The following FER variants were observed in gnomAD, a reference collection of about 807,000 sequenced individuals.
The protein encoded by FER is tyrosine-protein kinase Fer.
In FER, 63 loss-of-function variants were observed where a neutral mutation model predicts 111.0. The observed-to-expected ratio is 0.57, with a 90% confidence interval of 0.46 to 0.70. The LOEUF (loss-of-function observed/expected upper bound fraction) is 0.70, where lower values mean the gene tolerates loss of function less well. Among genes scored for constraint, FER ranks in the 30% least tolerant of loss-of-function variants. The pLI is 0.00. For missense variants in FER, 914 were observed against 954.0 expected (o/e 0.96, Z 0.55); for synonymous variants, 327 against 313.9 (o/e 1.04, Z -0.44).
chr5:109,109,287 A>T (rs961216171), intron 17 of FER, among the ~76,000 whole-genome samples: 15 of 152,144 alleles, frequency 9.9e-5, no homozygotes, highest in African/African-American at 3.6e-4. Context: ...ATTTATATAA[A>T]CATACACATG....
chr5:108,994,137 A>G (rs932770213), intron 13 of FER, among the ~76,000 whole-genome samples: 2 of 152,134 alleles, frequency 1.3e-5, no homozygotes, highest in Admixed American at 6.5e-5. Flanking sequence ...ATTAGATCCC[A>G]TATGTCAGTT....
intron 10 of FER, among the ~76,000 whole-genome samples, chr5:108,910,331 A>G (rs936104858): frequency 1.3e-5 from 2 of 152,170 alleles, no homozygotes; most frequent in African/African-American, 4.8e-5. Flanking sequence ...AAAATTTCAC[A>G]TCAGCCAGTC....
chr5:108,906,028 G>A lies in FER; in HGVS notation c.1236+8180G>A, dbSNP rs1750710468. Among the ~76,000 whole-genome samples, 4 of 152,152 alleles carry A rather than the reference G, an allele frequency of 2.6e-5. 1 individual carries two copies. The South Asian group carries it at 8.3e-4, about 32-fold the overall frequency. ...CTATAGAGCCAGACTTCTTTGGTTTGAGTCTTTGCCTCACCACTTAAGTAA... is the reference window on the plus strand; with the variant it reads ...CTATAGAGCCAGACTTCTTTGGTTTAAGTCTTTGCCTCACCACTTAAGTAA... On this transcript the variant is annotated intron_variant, in intron 10 of 19. Transcript: ENST00000281092.
intron 3 of FER, among the ~76,000 whole-genome samples, chr5:108,806,592 C>T (rs555740888): frequency 1.7e-4 from 26 of 152,326 alleles, no homozygotes; most frequent in African/African-American, 3.8e-4. Context: ...TATGGGAACC[C>T]GCCTCTTGCA....
At chr5:108,992,260 C>G (rs1169385432) in intron 13 of FER, among the ~76,000 whole-genome samples, 3 of 152,258 alleles carry the variant, frequency 2.0e-5, no homozygotes, top group Non-Finnish European at 2.9e-5. Flanking sequence ...AATGAAAAGT[C>G]TCCCATGTCT....
chr5:108,931,092 C>G (rs2149583186), intron 10 of FER, among the ~76,000 whole-genome samples: 1 of 152,222 alleles, frequency 6.6e-6, no homozygotes, highest in African/African-American at 2.4e-5. Flanking sequence ...GCTTTCTAAT[C>G]TATAAAATGA....
rs184077224 is a variant in FER at position 108,784,660 on chromosome 5, C to G, written c.-59-13464C>G. 3.3e-5 allele frequency among the ~76,000 whole-genome samples: 5 copies of G among 152,320 alleles called. No homozygotes were observed. In the East Asian group the frequency reaches 9.7e-4, roughly 29 times the overall value. On this transcript the variant is annotated intron_variant, in intron 2 of 19. Coordinates refer to ENST00000281092, the MANE Select transcript of FER (RefSeq NM_005246.4). ...GATTTACCCACATATTTATTGACAG[C>G]AAGCCAGTGATAAGCATTGTTTCTG...
rs766714663 is a variant in FER, at chr5:109,044,726, C to T, written c.1760C>T (p.Ser587Phe). The part of the protein sequence containing the change: ...VYKGTLKDKT[S>F]VAVKTCKEDL... ...AAGGGCACATTAAAGGATAAAACTTCTGTTGCTGTTAAAACATGTAAAGAA... is the reference window on the plus strand; with the variant it reads ...AAGGGCACATTAAAGGATAAAACTTTTGTTGCTGTTAAAACATGTAAAGAA... The change falls in exon 15 of 20, where the codon TCT becomes TTT. Residue 587 changes from serine to phenylalanine, a missense_variant. Coordinates refer to ENST00000281092, the MANE Select transcript of FER (RefSeq NM_005246.4). 1 of 1,589,738 alleles carries T rather than the reference C, an allele frequency of 6.3e-7. No individual in the cohort carries two copies. Among genetic ancestry groups the T allele is most frequent in the Non-Finnish European group, 8.5e-7 (1 of 1,170,862 alleles).
intron 9 of FER, among the ~76,000 whole-genome samples, chr5:108,886,705 G>C (rs1245251737): frequency 7.9e-5 from 12 of 151,596 alleles, no homozygotes. Context: ...GCAGGGGTAA[G>C]TATGCCAAGC....
chr5:108,986,885 C>A (rs1762631856), intron 13 of FER, among the ~76,000 whole-genome samples: 1 of 151,932 alleles, frequency 6.6e-6, no homozygotes. Flanking sequence ...TGTGATGCCT[C>A]CAGATTTGTT....
intron 9 of FER, among the ~76,000 whole-genome samples, chr5:108,897,409 A>G (rs970264025): frequency 6.6e-6 from 1 of 152,204 alleles, no homozygotes; most frequent in Non-Finnish European, 1.5e-5. Flanking sequence ...AATAAAATGA[A>G]TGCCATAGAT....
At chr5:108,854,305 C>G (rs1580883874) in intron 5 of FER, among the ~76,000 whole-genome samples, 3 of 152,192 alleles carry the variant, frequency 2.0e-5, no homozygotes. Context: ...AGGGTCATCA[C>G]AGCCTTTTTG....
intron 10 of FER, among the ~76,000 whole-genome samples, chr5:108,939,029 C>T (rs1755897375): frequency 6.6e-6 from 1 of 152,030 alleles, no homozygotes; most frequent in Non-Finnish European, 1.5e-5. Flanking sequence ...TTTAACTGTG[C>T]ATTTCTAAAA....
At position 108,899,087 on chromosome 5, in the gene FER, C is replaced by CAA. The variant is rs762675202; in HGVS notation, c.1236+1254_1236+1255dup. On this transcript the variant is annotated intron_variant, in intron 10 of 19. Coordinates refer to ENST00000281092, the MANE Select transcript of FER (RefSeq NM_005246.4). ...TAAGTGGGTTCATATGTCTCCATAG[C>CAA]AAAAAAAAAAAAAAAAGACCGTATC... 5.3e-4 allele frequency among the ~76,000 whole-genome samples: 26 copies of CAA among 49,398 alleles called. No individual in the cohort carries two copies. The East Asian group carries it at 8.3e-3, about 16-fold the overall frequency. 32.4% of individuals were successfully genotyped at this position (49,398 alleles called of 152,430 possible).
intron 5 of FER, among the ~76,000 whole-genome samples, chr5:108,858,812 T>C (rs1418385069): frequency 6.6e-6 from 1 of 151,694 alleles, no homozygotes; most frequent in Non-Finnish European, 1.5e-5. Context: ...TTGCTCGTTT[T>C]TTCATTCGTT....
intron 13 of FER, among the ~76,000 whole-genome samples, chr5:109,032,484 C>A (rs1472045972): frequency 6.6e-6 from 1 of 152,078 alleles, no homozygotes; most frequent in Non-Finnish European, 1.5e-5. Flanking sequence ...CTACTACTTG[C>A]ATTTGAATCC....
At chr5:108,922,768 CTA>C (rs1022216549) in intron 10 of FER, among the ~76,000 whole-genome samples, 50 of 152,056 alleles carry the variant, frequency 3.3e-4, no homozygotes, top group African/African-American at 1.2e-3. Flanking sequence ...TACTGGGAAA[CTA>C]TACGCATTGT....
intron 10 of FER, among the ~76,000 whole-genome samples, chr5:108,908,210 C>T (rs1751053113): frequency 6.6e-6 from 1 of 152,036 alleles, no homozygotes; most frequent in Non-Finnish European, 1.5e-5. Flanking sequence ...AGAAACTGAA[C>T]AGAAATTTAA....
chr5:109,073,023 C>T (rs1473463953), intron 16 of FER, among the ~76,000 whole-genome samples: 1 of 152,004 alleles, frequency 6.6e-6, no homozygotes, highest in Non-Finnish European at 1.5e-5. Flanking sequence ...TTTATAAAGA[C>T]ACTAGTCATT....
Sources: allele counts gnomAD v4.1 joint callset (sites outside exome capture counted in the v4.1 genomes callset), GRCh38; gene constraint gnomAD v4.1.1; transcripts MANE v1.5; gene names NCBI Gene and HGNC (gene_info 2026-07-23, HGNC 2026-07-21).